SPIDR: variants seen among roughly 807,000 people sequenced by gnomAD.
SPIDR encodes the protein scaffold protein involved in DNA repair, also known as DNA repair-scaffolding protein.
SPIDR carries 93 observed loss-of-function variants against 104.6 expected under a neutral mutation model. The ratio of observed to expected loss-of-function variants is 0.89; its 90% CI spans 0.75 to 1.06. The LOEUF is 1.06. Ranked by LOEUF, SPIDR falls within the 50% of genes least tolerant of loss-of-function variation. The pLI, the probability that SPIDR is intolerant of heterozygous loss-of-function variation, is 0.00. For missense variants in SPIDR, 1,154 were observed against 1,111.2 expected (o/e 1.04, Z -0.55); for synonymous variants, 431 against 416.9 (o/e 1.03, Z -0.41).
At chr8:47,511,493 C>A in intron 8 of SPIDR, 1 of 778,654 alleles carries the variant, frequency 1.3e-6, no homozygotes, top group Non-Finnish European at 2.4e-6. Context: ...TCTGCTGGCA[C>A]CTCCCTTCTG....
chr8:47,680,109 C>A (rs559790352), intron 11 of SPIDR, among the ~76,000 whole-genome samples: 24 of 152,176 alleles, frequency 1.6e-4, no homozygotes, highest in Non-Finnish European at 2.8e-4. Context: ...TGGACACAGA[C>A]CCTCGGTGTC....
rs2082068325 is a variant in SPIDR, at chr8:47,712,825, G to C, written c.2141G>C (p.Gly714Ala). The part of the protein sequence containing the change: ...LGSEVLEALA[G>A]AAPHSLFFKD... ...TCTGAAGTCCTGGAGGCACTCGCTG[G>C]GGCTGCCCCTCACAGCCTCTTCTTC... Residue 714 changes from glycine to alanine, a missense_variant, in exon 15 of 20, where the codon GGG (glycine) becomes GCG (alanine). Transcript: ENST00000297423. The C allele has an allele frequency of 1.2e-6, 2 of 1,614,054 alleles. No individual in the cohort carries two copies. Among genetic ancestry groups the C allele is most frequent in the East Asian group, 2.2e-5 (1 of 44,872 alleles).
chr8:47,434,360 C>T (rs962939167), intron 7 of SPIDR, among the ~76,000 whole-genome samples: 6 of 152,072 alleles, frequency 3.9e-5, no homozygotes, highest in Admixed American at 1.3e-4. Context: ...GGAAAAGGAA[C>T]GGTGGACACT....
chr8:47,348,294 G>A (rs567093121), intron 5 of SPIDR, among the ~76,000 whole-genome samples: 1 of 152,302 alleles, frequency 6.6e-6, no homozygotes, highest in South Asian at 2.1e-4. Flanking sequence ...CTTCTGACTT[G>A]CAGAGTGTCT....
In SPIDR at chr8:47,700,391, T is replaced by C. The variant is rs75744324; in HGVS notation, c.1686-12T>C. Reference sequence around the variant, plus strand: ...GTCTGATGATGAATACCTTTGACTTTTCTTGTTCCAGGACAGCGGGGATTT... The same window carrying C: ...GTCTGATGATGAATACCTTTGACTTCTCTTGTTCCAGGACAGCGGGGATTT... On this transcript the variant is annotated splice_polypyrimidine_tract_variant and intron_variant, in intron 11 of 19. Coordinates refer to ENST00000297423, the MANE Select transcript of SPIDR (RefSeq NM_001080394.4). The C allele has an allele frequency of 7.0e-3, 11,244 of 1,614,144 alleles. 469 individuals carry two copies. The East Asian group carries it at 0.12, about 18-fold the overall frequency.
At chr8:47,515,632 T>A (rs1215744657) in intron 8 of SPIDR, among the ~76,000 whole-genome samples, 1 of 152,244 alleles carries the variant, frequency 6.6e-6, no homozygotes, top group Non-Finnish European at 1.5e-5. Flanking sequence ...TTGTCTCTCA[T>A]TCCCAGTACT....
chr8:47,413,853 A>G (rs1378533590), intron 7 of SPIDR, among the ~76,000 whole-genome samples: 2 of 152,346 alleles, frequency 1.3e-5, no homozygotes, highest in African/African-American at 2.4e-5. Context: ...AGTATATGCT[A>G]TAGATGACTA....
chr8:47,563,378 G>A (rs956653679), intron 8 of SPIDR, among the ~76,000 whole-genome samples: 1 of 151,820 alleles, frequency 6.6e-6, no homozygotes, highest in African/African-American at 2.4e-5. Flanking sequence ...TCCCTATGTT[G>A]CACAGGCTGA....
rs565283167 is a variant in SPIDR, at chr8:47,686,534, C to T, written c.1685+12593C>T. On this transcript the variant is annotated intron_variant, in intron 11 of 19. Transcript: ENST00000297423. ...TCTATTTTTTCATTTTACCTTCAAA[C>T]TAGCTAATAAATTAGATCATGGTAT... Among the ~76,000 whole-genome samples, 312 of 152,220 alleles carry T rather than the reference C, an allele frequency of 2.0e-3. 1 individual carries two copies. Among genetic ancestry groups the T allele is most frequent in the Admixed American group, 4.5e-3 (69 of 15,284 alleles).
chr8:47,402,388 C>G (rs1554663813), intron 6 of SPIDR, among the ~76,000 whole-genome samples: 2 of 152,090 alleles, frequency 1.3e-5, no homozygotes, highest in African/African-American at 4.8e-5. Flanking sequence ...GACAAAAAAC[C>G]CTTCAAAAAA....
chr8:47,718,729 A>C (rs1452033560), intron 16 of SPIDR, among the ~76,000 whole-genome samples: 1 of 152,178 alleles, frequency 6.6e-6, no homozygotes, highest in Non-Finnish European at 1.5e-5. Context: ...ATATTGAAGA[A>C]TAGAAATACG....
chr8:47,479,093 G>C (rs1554725343), intron 8 of SPIDR, among the ~76,000 whole-genome samples: 1 of 152,134 alleles, frequency 6.6e-6, no homozygotes, highest in Non-Finnish European at 1.5e-5. Context: ...GGGTGCAGTG[G>C]CTCACGCCTG....
chr8:47,287,761 A>G (rs1775743065), intron 3 of SPIDR, among the ~76,000 whole-genome samples: 1 of 152,284 alleles, frequency 6.6e-6, no homozygotes, highest in South Asian at 2.1e-4. Context: ...TTCTTTTTCA[A>G]GGTGCACTGA....
chr8:47,695,476 G>T (rs1008699024), intron 11 of SPIDR, among the ~76,000 whole-genome samples: 2 of 152,100 alleles, frequency 1.3e-5, no homozygotes, highest in African/African-American at 4.8e-5. Context: ...CAGCACCATT[G>T]TGGCTTAAAT....
chr8:47,735,829 T>G lies in SPIDR; in HGVS notation c.*379T>G. Reference sequence around the variant, plus strand: ...CATGTTTTTATTACAGTATTTAACATTCCCCCAAAGAATACCCTGCAAAGT... The same window carrying G: ...CATGTTTTTATTACAGTATTTAACAGTCCCCCAAAGAATACCCTGCAAAGT... On this transcript the variant is annotated 3_prime_UTR_variant, in exon 20 of 20. Transcript: ENST00000297423. 3 of 384,452 alleles carry G rather than the reference T, an allele frequency of 7.8e-6. No homozygotes were observed. The highest frequency in any genetic ancestry group is 6.0e-5 in the East Asian group (1 of 16,800). 23.8% of individuals were successfully genotyped at this position (384,452 alleles called of 1,614,324 possible). A position where few individuals can be genotyped will look rare whatever the true frequency, so the allele number is the denominator to read the frequency against.
intron 10 of SPIDR, among the ~76,000 whole-genome samples, chr8:47,615,860 T>C (rs961205747): frequency 2.4e-4 from 36 of 152,220 alleles, no homozygotes; most frequent in Non-Finnish European, 5.0e-4. Flanking sequence ...CTTTAATTTC[T>C]TTCAGAAATG....
chr8:47,704,231 C>T (rs2080752119), intron 14 of SPIDR, among the ~76,000 whole-genome samples: 1 of 152,208 alleles, frequency 6.6e-6, no homozygotes, highest in South Asian at 2.1e-4. Flanking sequence ...CCACATTTAG[C>T]TCTTTATTTT....
At chr8:47,592,368 ATT>A (rs1447192087) in intron 8 of SPIDR, 156 of 1,261,570 alleles carry the variant, frequency 1.2e-4, no homozygotes, top group Non-Finnish European at 1.6e-4. Context: ...ACTTGTCTAC[ATT>A]AGGATGATAA....
chr8:47,713,649 G>GC lies in SPIDR; in HGVS notation c.2341+10dup, dbSNP rs1242990748. On this transcript the variant is annotated intron_variant, in intron 16 of 19. Coordinates refer to ENST00000297423, the MANE Select transcript of SPIDR (RefSeq NM_001080394.4). ...CCATCTGCAGTGTTCAAGGTAGGCA[G>GC]CCATCTCACAGGAATTGGTGCTTAT... 1.2e-6 allele frequency: 2 copies of GC among 1,613,768 alleles called. No homozygotes were observed. Among genetic ancestry groups the GC allele is most frequent in the South Asian group, 2.2e-5 (2 of 91,042 alleles).
Sources: allele counts gnomAD v4.1 joint callset (sites outside exome capture counted in the v4.1 genomes callset), GRCh38; gene constraint gnomAD v4.1.1; transcripts MANE v1.5; gene names NCBI Gene and HGNC (gene_info 2026-07-23, HGNC 2026-07-21).